The following NREP variants were observed in gnomAD, a reference collection of about 807,000 sequenced individuals.
NREP encodes the protein neuronal regeneration related protein, also known as neuronal regeneration-related protein.
In NREP, 5 loss-of-function variants were observed where a neutral mutation model predicts 8.6. The observed-to-expected ratio is 0.58, with a 90% confidence interval of 0.30 to 1.22. NREP has a LOEUF of 1.22. NREP is among the 50% of genes most tolerant of loss of function. The probability of loss-of-function intolerance (pLI) is 0.07; values close to 1 mark genes in which losing one functional copy is unlikely to be tolerated. For synonymous variants in NREP, 27 were observed against 28.0 expected (o/e 0.96, Z 0.11); for missense variants, 86 against 82.5 (o/e 1.04, Z -0.17).
intron 2 of NREP, among the ~76,000 whole-genome samples, chr5:111,956,948 A>G (rs1326493795): frequency 6.9e-6 from 1 of 145,562 alleles, no homozygotes; most frequent in African/African-American, 2.5e-5. Flanking sequence ...TGGATGACAC[A>G]ATGAGACCAT....
At chr5:111,916,268 TAG>T in intron 2 of NREP, among the ~76,000 whole-genome samples, 1 of 150,806 alleles carries the variant, frequency 6.6e-6, no homozygotes, top group East Asian at 2.0e-4. Context: ...GAGAACAAGG[TAG>T]AGAGTTGCAC....
At chr5:111,829,299 GTATTTTGTA>G (rs1752705813) in intron 2 of NREP, among the ~76,000 whole-genome samples, 1 of 152,154 alleles carries the variant, frequency 6.6e-6, no homozygotes, top group African/African-American at 2.4e-5. Flanking sequence ...AATCAGATTT[GTATTTTGTA>G]AATGGAACTC....
At chr5:111,861,339 T>C (rs1753538736) in intron 2 of NREP, among the ~76,000 whole-genome samples, 1 of 152,134 alleles carries the variant, frequency 6.6e-6, no homozygotes, top group Non-Finnish European at 1.5e-5. Context: ...CAGAGAGGCA[T>C]AGTAGTGACT....
chr5:111,763,849 CT>C (rs1481799070), intron 2 of NREP, among the ~76,000 whole-genome samples: 2 of 152,350 alleles, frequency 1.3e-5, no homozygotes, highest in East Asian at 3.9e-4. Flanking sequence ...TTTGTTCCCC[CT>C]GGAAGAATTT....
chr5:111,908,930 T>G (rs1231733715), intron 2 of NREP, among the ~76,000 whole-genome samples: 1 of 152,106 alleles, frequency 6.6e-6, no homozygotes, highest in Non-Finnish European at 1.5e-5. Context: ...CTGATTGGTG[T>G]GAGTTGGTAT....
chr5:111,922,426 A>C (rs1473069526), intron 2 of NREP, among the ~76,000 whole-genome samples: 1 of 152,150 alleles, frequency 6.6e-6, no homozygotes, highest in Non-Finnish European at 1.5e-5. Context: ...TATGTTTGAC[A>C]TCGAAATGCT....
chr5:111,915,104 A>T (rs974060600), intron 2 of NREP, among the ~76,000 whole-genome samples: 28 of 152,028 alleles, frequency 1.8e-4, no homozygotes, highest in African/African-American at 6.8e-4. Flanking sequence ...CTGTGGCCTC[A>T]TCAGGGACTT....
intron 2 of NREP, among the ~76,000 whole-genome samples, chr5:111,950,260 G>C (rs934861337): frequency 2.6e-5 from 4 of 152,076 alleles, no homozygotes; most frequent in African/African-American, 4.8e-5. Flanking sequence ...ACAACCATCT[G>C]ATCTTCAACA....
intron 2 of NREP, among the ~76,000 whole-genome samples, chr5:111,919,869 G>A (rs371121221): frequency 3.2e-5 from 4 of 125,030 alleles, no homozygotes; most frequent in Admixed American, 8.2e-5. Flanking sequence ...CTTGAAGAGA[G>A]AGAAAGAAAG....
intron 2 of NREP, among the ~76,000 whole-genome samples, chr5:111,808,734 G>C (rs953972668): frequency 2.0e-5 from 3 of 152,048 alleles, no homozygotes; most frequent in Non-Finnish European, 4.4e-5. Context: ...GTAACCCTCT[G>C]ATGTGCTACT....
chr5:111,803,332 G>GA (rs1434270266), intron 2 of NREP, among the ~76,000 whole-genome samples: 1 of 152,114 alleles, frequency 6.6e-6, no homozygotes, highest in African/African-American at 2.4e-5. Context: ...AGGCGGAGAA[G>GA]AAAAAATTCA....
chr5:111,831,020 C>T (rs938344066), intron 2 of NREP, among the ~76,000 whole-genome samples: 10 of 152,126 alleles, frequency 6.6e-5, no homozygotes, highest in Non-Finnish European at 1.3e-4. Context: ...TGTAGAAAAA[C>T]GCTAGTTTAA....
chr5:111,848,779 T>C (rs1753240981), intron 2 of NREP, among the ~76,000 whole-genome samples: 1 of 152,134 alleles, frequency 6.6e-6, no homozygotes. Context: ...ATGTTCCTTG[T>C]CAAAGTAATT....
At chr5:111,888,527 T>G (rs770070531) in intron 2 of NREP, among the ~76,000 whole-genome samples, 4 of 152,172 alleles carry the variant, frequency 2.6e-5, no homozygotes, top group Non-Finnish European at 4.4e-5. Flanking sequence ...CCCCCACGAT[T>G]CAATTACCTT....
chr5:111,954,559 C>G (rs1756256994), intron 2 of NREP, among the ~76,000 whole-genome samples: 1 of 152,102 alleles, frequency 6.6e-6, no homozygotes, highest in African/African-American at 2.4e-5. Flanking sequence ...ATTATAACTT[C>G]TCTCTACTTC....
chr5:111,855,128 T>A (rs1253594259), intron 2 of NREP, among the ~76,000 whole-genome samples: 1 of 152,160 alleles, frequency 6.6e-6, no homozygotes, highest in African/African-American at 2.4e-5. Context: ...TTAATAGGTA[T>A]TAAATTGTTC....
chr5:111,790,476 C>A (rs183190764), intron 2 of NREP, among the ~76,000 whole-genome samples: 17 of 141,226 alleles, frequency 1.2e-4, no homozygotes, highest in Non-Finnish European at 4.5e-5. Flanking sequence ...GGAATGTTTA[C>A]CTACTGGGCA....
At position 111,948,177 on chromosome 5, in the gene NREP, T is replaced by C. The variant is rs1444177410; in HGVS notation, c.135+27097A>G. On this transcript the variant is annotated intron_variant, in intron 2 of 3. Coordinates refer to the NREP transcript ENST00000395634. ...TATTTAATTTCCCACAAAAGCCTCA[T>C]TCTAGTAATTTCATCTTTCCTGTAA... Among the ~76,000 whole-genome samples, 3 of 152,104 alleles carry C rather than the reference T, an allele frequency of 2.0e-5. No individual in the cohort carries two copies. In the East Asian group the frequency reaches 5.8e-4, roughly 29 times the overall value.
chr5:111,853,899 G>A (rs187464925), intron 2 of NREP, among the ~76,000 whole-genome samples: 8 of 152,182 alleles, frequency 5.3e-5, no homozygotes, highest in East Asian at 1.9e-4. Context: ...CTGCTCTTGC[G>A]CACCATGATT....
Sources: allele counts gnomAD v4.1 joint callset (sites outside exome capture counted in the v4.1 genomes callset), GRCh38; gene constraint gnomAD v4.1.1; transcripts MANE v1.5; gene names NCBI Gene and HGNC (gene_info 2026-07-23, HGNC 2026-07-21).